FER1L5: variants seen among roughly 807,000 people sequenced by gnomAD.
FER1L5 encodes fer-1-like protein 5.
FER1L5 carries 187 observed loss-of-function variants against 279.9 expected under a neutral mutation model. The observed-to-expected ratio is 0.67, with a 90% confidence interval of 0.59 to 0.75. The LOEUF (loss-of-function observed/expected upper bound fraction) is 0.75, where lower values mean the gene tolerates loss of function less well. Ranked by LOEUF, FER1L5 falls within the 30% of genes least tolerant of loss-of-function variation. The pLI is 0.00. For synonymous variants in FER1L5, 921 were observed against 989.7 expected (o/e 0.93, Z 1.30); for missense variants, 2,091 against 2,594.4 (o/e 0.81, Z 4.21).
At chr2:96,643,641 C>T (rs895402010) in intron 1 of FER1L5, among the ~76,000 whole-genome samples, 15 of 151,882 alleles carry the variant, frequency 9.9e-5, no homozygotes, top group Admixed American at 6.6e-4. Context: ...TGAGCCACCG[C>T]GCCCAGCCTA....
Position 96,661,364 on chromosome 2 carries a change from C to A in FER1L5, c.818C>A (p.Pro273Gln), listed in dbSNP as rs1478505817. ...AGGAAATGGCTAGGCCTCTGCCAGC[C>A]AAATAACCCTGGCAGTGGTGTGACA... is the stretch of plus-strand genomic sequence containing the variant. ...LLRKWLGLCQ[P>Q]NNPGSGVTGY... The change falls in exon 11 of 53, where the codon CCA (proline) becomes CAA (glutamine). Residue 273 changes from proline (P) to glutamine (Q), a missense_variant. Physicochemically the swap from Pro to Gln is moderately conservative, Grantham distance 76. Coordinates refer to ENST00000624922, the MANE Select transcript of FER1L5 (RefSeq NM_001293083.2). 1.3e-6 allele frequency: 2 copies of A among 1,551,554 alleles called. No homozygotes were observed. The highest frequency in any genetic ancestry group is 2.4e-5 in the South Asian group (2 of 84,056).
At chr2:96,686,469 A>C in intron 23 of FER1L5, 119 bp downstream of exon 23, 1 of 1,198,414 alleles carries the variant, frequency 8.3e-7, no homozygotes, top group Non-Finnish European at 1.1e-6. Flanking sequence ...ACCACATGGA[A>C]TGGGGTTGAA....
chr2:96,701,830 C>A (rs553574368), intron 45 of FER1L5, 125 bp from the exon 46 acceptor site: 4 of 834,510 alleles, frequency 4.8e-6, no homozygotes, highest in Non-Finnish European at 7.7e-6. Flanking sequence ...TATCTCTGTA[C>A]CCCACCCCTC....
chr2:96,643,751 T>G (rs2074988186), intron 1 of FER1L5, among the ~76,000 whole-genome samples: 2 of 144,808 alleles, frequency 1.4e-5, no homozygotes, highest in Admixed American at 6.9e-5. Context: ...TTTTTTTAGG[T>G]AAGAGAAAAG....
intron 20 of FER1L5, among the ~76,000 whole-genome samples, 198 bp from the exon 21 acceptor site, chr2:96,685,130 CT>C (rs2076873753): frequency 6.6e-6 from 1 of 152,084 alleles, no homozygotes; most frequent in African/African-American, 2.4e-5. Context: ...CCACCTGTTT[CT>C]TCTGTTGGGA....
intron 39 of FER1L5, 134 bp downstream of exon 39, chr2:96,697,895 C>A: frequency 6.9e-7 from 1 of 1,445,996 alleles, no homozygotes; most frequent in Non-Finnish European, 9.4e-7. Context: ...CTCCAGCTGC[C>A]ACCCTGTCTG....
chr2:96,679,701 C>T (rs1192986475), intron 19 of FER1L5, among the ~76,000 whole-genome samples: 2 of 152,228 alleles, frequency 1.3e-5, no homozygotes, highest in Admixed American at 6.5e-5. Flanking sequence ...TAATTTTCTA[C>T]ATCAGAGGCT....
rs1232724304 is a variant in FER1L5, at chr2:96,695,592, A to G, written c.3825A>G (p.Thr1275=). ...AATTCGGGGAAGAGTCCCTGAGGAC[A>G]GAACCCATCAGGGACTTTCAGACCA... ...LVEFGEESLR[T]EPIRDFQTNP... The change falls in exon 35 of 53, where the codon ACA becomes ACG. Residue 1275 remains threonine, a synonymous_variant. Coordinates refer to ENST00000624922, the MANE Select transcript of FER1L5 (RefSeq NM_001293083.2). 3.1e-6 allele frequency: 5 copies of G among 1,599,496 alleles called. No individual in the cohort carries two copies. The highest frequency in any genetic ancestry group is 1.1e-5 in the South Asian group (1 of 88,394).
In FER1L5 at chr2:96,702,765, G is replaced by T. The variant is rs2153313406; in HGVS notation, c.5397+24G>T. On this transcript the variant is annotated intron_variant, in intron 48 of 52. Transcript: ENST00000624922. This position sits in a 1 kb window ranked among gnomAD's most constrained non-coding sequence, Gnocchi z 4.0. ...AGGTAACAGGCCTGGGGCGTGAGGG[G>T]CAACAGGCCACAACAAACAGACCCA... is the stretch of plus-strand genomic sequence containing the variant. 5 of 1,610,410 alleles carry T rather than the reference G, an allele frequency of 3.1e-6. No individual in the cohort carries two copies. The highest frequency in any genetic ancestry group is 4.2e-6 in the Non-Finnish European group (5 of 1,178,726).
chr2:96,670,069 T>A (rs2076267557), intron 17 of FER1L5, 50 bp from the exon 18 acceptor site: 1 of 1,549,260 alleles, frequency 6.5e-7, no homozygotes, highest in African/African-American at 1.4e-5. Context: ...GAGATTGGCC[T>A]GTTCTTTTTC....
chr2:96,678,787 A>G (rs535620084), intron 19 of FER1L5, among the ~76,000 whole-genome samples: 1 of 152,258 alleles, frequency 6.6e-6, no homozygotes, highest in South Asian at 2.1e-4. Context: ...TGATATGTCT[A>G]TTCAAATGTG....
intron 2 of FER1L5, among the ~76,000 whole-genome samples, 194 bp from the exon 3 acceptor site, chr2:96,646,870 A>G (rs891179680): frequency 2.0e-5 from 3 of 152,334 alleles, no homozygotes; most frequent in Middle Eastern, 3.4e-3. Flanking sequence ...TTCAAGTCAC[A>G]GAAGCCGAGT....
chr2:96,646,358 A>T, intron 1 of FER1L5, 43 bp from the exon 2 acceptor site: 2 of 1,549,754 alleles, frequency 1.3e-6, no homozygotes, highest in Non-Finnish European at 8.7e-7. Context: ...CAGACGTTGA[A>T]ATATTTCCTA....
chr2:96,678,846 A>AT (rs2076608302), intron 19 of FER1L5, among the ~76,000 whole-genome samples: 2 of 152,340 alleles, frequency 1.3e-5, no homozygotes, highest in South Asian at 4.1e-4. Context: ...AGTTGCAATA[A>AT]TTCATTATAT....
chr2:96,700,824 G>A (rs2077563481), intron 45 of FER1L5, among the ~76,000 whole-genome samples: 1 of 152,178 alleles, frequency 6.6e-6, no homozygotes, highest in African/African-American at 2.4e-5. Flanking sequence ...ACATGACAAC[G>A]CGGGTTCTGG....
At chr2:96,676,934 C>T (rs567230283) in intron 19 of FER1L5, among the ~76,000 whole-genome samples, 2 of 152,144 alleles carry the variant, frequency 1.3e-5, no homozygotes, top group East Asian at 3.9e-4. Context: ...CTTGGGTTCC[C>T]GGGTTCAAGT....
intron 19 of FER1L5, among the ~76,000 whole-genome samples, chr2:96,682,839 C>T (rs555566788): frequency 1.1e-4 from 16 of 152,322 alleles, no homozygotes; most frequent in African/African-American, 3.8e-4. Flanking sequence ...GCTAGGACTA[C>T]AGGTATGAGC....
At chr2:96,652,332 A>T in intron 7 of FER1L5, 1 of 338,884 alleles carries the variant, frequency 3.0e-6, no homozygotes, top group Non-Finnish European at 5.6e-6. Context: ...CAGACCATGT[A>T]TGTCTCATTG....
At chr2:96,655,283 G>T (rs1054359218) in intron 9 of FER1L5, among the ~76,000 whole-genome samples, 8 of 152,194 alleles carry the variant, frequency 5.3e-5, no homozygotes, top group Non-Finnish European at 1.0e-4. Flanking sequence ...GTCATGATGG[G>T]CTAAACTAAG....
Sources: gnomAD v4.1 joint callset for allele counts (sites outside exome capture counted in the v4.1 genomes callset) on GRCh38, gnomAD v4.1.1 for gene constraint, Gnocchi (gnomAD v3.1) non-coding constraint, MANE v1.5 for transcripts, NCBI Gene and HGNC (gene_info 2026-07-23, HGNC 2026-07-21) for gene names.